Variants in CLEC12B observed in about 807,000 individuals in gnomAD.
The protein encoded by CLEC12B is C-type lectin domain family 12 member B, also known as macrophage antigen h.
Under a neutral mutation model 36.1 loss-of-function variants are expected in CLEC12B, and 25 were observed. The observed-to-expected ratio is 0.69, with a 90% CI of 0.50 to 0.97. The LOEUF is 0.97. CLEC12B is among the 50% of genes least tolerant of loss of function. CLEC12B has a pLI of 0.00. For missense variants in CLEC12B, 325 were observed against 318.4 expected (o/e 1.02, Z -0.16); for synonymous variants, 110 against 108.5 (o/e 1.01, Z -0.09).
Position 10,010,666 on chromosome 12 carries a change from T to G in CLEC12B, c.-94T>G. ...TGTCTGGGTCAGCTGAGTGACTACA[T>G]CAAAGCTCCCAGCCTTGAAAAACAC... On this transcript the variant is annotated 5_prime_UTR_variant, in exon 1 of 6. Transcript: ENST00000338896. 1.3e-6 allele frequency: 1 copy of G among 750,936 alleles called. No homozygotes were observed. The allele number at this position is 750,936 out of a possible 1,614,324, so 46.5% of individuals were successfully genotyped here. A position where few individuals can be genotyped will look rare whatever the true frequency, so the allele number is the denominator to read the frequency against.
At chr12:10,014,441 A>T in intron 2 of CLEC12B, 82 bp from the exon 3 acceptor site, 1 of 1,006,944 alleles carries the variant, frequency 9.9e-7, no homozygotes. Context: ...TTGAACAATT[A>T]AGAAATGTTT....
chr12:10,017,336 G>T (rs988001995), intron 5 of CLEC12B: 3 of 985,272 alleles, frequency 3.0e-6, no homozygotes, highest in Admixed American at 6.2e-5. Flanking sequence ...TTAATCTGAG[G>T]TGTTGCTACT....
chr12:10,016,951 C>G, intron 5 of CLEC12B: 1 of 978,136 alleles, frequency 1.0e-6, no homozygotes, highest in Non-Finnish European at 1.2e-6. Context: ...ATCCACCCCC[C>G]TCCCTCCTGT....
intron 5 of CLEC12B, chr12:10,017,892 T>C: frequency 1.0e-6 from 1 of 968,132 alleles, no homozygotes; most frequent in Non-Finnish European, 1.2e-6. Context: ...ACCACATATG[T>C]ATAACTATGT....
At chr12:10,010,200 T>TCACACACACACACACA (rs3053772), upstream of CLEC12B, among the ~76,000 whole-genome samples, 59 of 145,912 alleles carry the variant, frequency 4.0e-4, no homozygotes, top group Middle Eastern at 3.5e-3. Flanking sequence ...TGTCTCTCTC[T>TCACACACACACACACA]CACACACACA....
Position 10,010,862 on chromosome 12 carries a change from G to T in CLEC12B, c.91+12G>T. 1 of 1,568,614 alleles carries T rather than the reference G, an allele frequency of 6.4e-7. No individual in the cohort carries two copies. ...CCTAAGAAAAAGAGGTAGGAGTTCA[G>T]AGAAGACCAGCTGTGTCCTTGGGGG... On this transcript the variant is annotated intron_variant, in intron 1 of 5. Coordinates refer to ENST00000338896, the MANE Select transcript of CLEC12B (RefSeq NM_001129998.3).
chr12:10,013,156 T>C (rs920234024), intron 2 of CLEC12B: 3 of 418,962 alleles, frequency 7.2e-6, no homozygotes, highest in Non-Finnish European at 1.3e-5. Context: ...ATAAAGAGCC[T>C]CTTTTCTGCC....
chr12:10,014,767 A>T, intron 3 of CLEC12B, 26 bp downstream of exon 3: 1 of 1,502,310 alleles, frequency 6.7e-7, no homozygotes, highest in Non-Finnish European at 9.3e-7. Flanking sequence ...CCTGCTGACC[A>T]GTCAGATGGC....
rs111698812 is a variant in CLEC12B at position 10,010,655 on chromosome 12, G to C, written c.-105G>C. The C allele has an allele frequency of 1.5e-6, 1 of 662,868 alleles. No homozygotes were observed. The highest frequency in any genetic ancestry group is 2.3e-5 in the Admixed American group (1 of 43,690). 41.1% of individuals were successfully genotyped at this position (662,868 alleles called of 1,614,324 possible). On this transcript the variant is annotated 5_prime_UTR_variant, in exon 1 of 6. Coordinates refer to ENST00000338896, the MANE Select transcript of CLEC12B (RefSeq NM_001129998.3). ...GCAGTAGAGTGTGTCTGGGTCAGCT[G>C]AGTGACTACATCAAAGCTCCCAGCC...
At chr12:10,009,590 A>G (rs1865276710), upstream of CLEC12B, among the ~76,000 whole-genome samples, 1 of 151,868 alleles carries the variant, frequency 6.6e-6, no homozygotes, top group African/African-American at 2.4e-5. Flanking sequence ...AACATGAACA[A>G]GTAACATATG....
chr12:10,018,266 A>G, intron 5 of CLEC12B, 65 bp from the exon 6 acceptor site: 2 of 965,738 alleles, frequency 2.1e-6, no homozygotes, highest in South Asian at 3.7e-5. Context: ...AGAGCAACTG[A>G]GGGCACTAAA....
At chr12:10,013,005 C>A in intron 2 of CLEC12B, 122 bp downstream of exon 2, 2 of 728,004 alleles carry the variant, frequency 2.7e-6, no homozygotes, top group Non-Finnish European at 4.9e-6. Flanking sequence ...TTTCTGCTGT[C>A]TCATATCTCT....
intron 2 of CLEC12B, 76 bp from the exon 3 acceptor site, chr12:10,014,447 T>C (rs1865421872): frequency 2.9e-6 from 3 of 1,050,364 alleles, no homozygotes; most frequent in South Asian, 1.5e-5. Flanking sequence ...AATTAAGAAA[T>C]GTTTCTGTCA....
At chr12:10,006,335 A>T (rs1865224440), upstream of CLEC12B, among the ~76,000 whole-genome samples, 1 of 152,168 alleles carries the variant, frequency 6.6e-6, no homozygotes, top group African/African-American at 2.4e-5. Flanking sequence ...GCTGGTATGG[A>T]GATAACAATT....
chr12:10,010,911 G>T, intron 1 of CLEC12B, 61 bp downstream of exon 1: 1 of 1,092,100 alleles, frequency 9.2e-7, no homozygotes. Flanking sequence ...TAAATGCTTT[G>T]AGGTGCCAGC....
chr12:10,015,788 A>T (rs563573983), intron 5 of CLEC12B, 61 bp downstream of exon 5: 3 of 1,603,294 alleles, frequency 1.9e-6, no homozygotes, highest in Non-Finnish European at 2.6e-6. Context: ...GAAAATTAAT[A>T]ATGATTGTGA....
rs1455042297 is a variant in CLEC12B, at chr12:10,015,347, A to G, written c.505A>G (p.Arg169Gly). The change falls in exon 4 of 6, where the codon AGA (arginine) becomes GGA (glycine). Residue 169 changes from arginine to glycine, a missense_variant. Physicochemically the swap from Arg to Gly is moderately radical, Grantham distance 125 (BLOSUM62 -2). Transcript: ENST00000338896. The stretch of plus-strand genomic sequence containing the variant: ...TGAGGAGAAAACCTGGGCTAACAGT[A>G]GAAAGGACTGCATAGACAAGAACTC... ...TNEEKTWANS[R>G]KDCIDKNSTL... is the part of the protein sequence containing the mutation. The G allele has an allele frequency of 1.9e-6, 3 of 1,613,416 alleles. No homozygotes were observed. The highest frequency in any genetic ancestry group is 2.7e-5 in the African/African-American group (2 of 74,928).
chr12:10,010,883 G>A (rs1242888793), intron 1 of CLEC12B, 33 bp downstream of exon 1: 1 of 1,424,642 alleles, frequency 7.0e-7, no homozygotes, highest in Non-Finnish European at 9.9e-7. Context: ...CTGTGTCCTT[G>A]GGGGAGTGGA....
At chr12:10,009,228 A>G (rs750718828), upstream of CLEC12B, among the ~76,000 whole-genome samples, 4 of 152,206 alleles carry the variant, frequency 2.6e-5, no homozygotes, top group Non-Finnish European at 5.9e-5. Context: ...GCTACCACTC[A>G]GTCTTTGGGT....
Sources: allele counts gnomAD v4.1 joint callset (sites outside exome capture counted in the v4.1 genomes callset), GRCh38; gene constraint gnomAD v4.1.1; transcripts MANE v1.5; gene names NCBI Gene and HGNC (gene_info 2026-07-23, HGNC 2026-07-21).